MLLT10: variants seen among roughly 807,000 people sequenced by gnomAD.
MLLT10 encodes the protein protein AF-10.
MLLT10 carries 30 observed loss-of-function variants against 129.1 expected under a neutral mutation model. The ratio of observed to expected loss-of-function variants is 0.23; its 90% CI spans 0.17 to 0.32. The LOEUF (loss-of-function observed/expected upper bound fraction) is 0.32. Ranked by LOEUF, MLLT10 falls within the 10% of genes least tolerant of loss-of-function variation. MLLT10 has a pLI of 1.00. For missense variants in MLLT10, 1,119 were observed against 1,268.3 expected, an observed-to-expected ratio of 0.88 and a Z score of 1.79; for synonymous variants, 490 against 446.4, an observed-to-expected ratio of 1.10 and a Z score of -1.23.
intron 3 of MLLT10, among the ~76,000 whole-genome samples, chr10:21,570,748 T>G (rs2040114976): frequency 6.6e-6 from 1 of 152,164 alleles, no homozygotes; most frequent in Non-Finnish European, 1.5e-5. Flanking sequence ...AGCCTTCTGA[T>G]CATATGAAAT....
chr10:21,612,289 AAT>A (rs2044737013), intron 5 of MLLT10, 57 bp from the exon 6 acceptor site: 1 of 1,028,580 alleles, frequency 9.7e-7, no homozygotes, highest in Non-Finnish European at 1.4e-6. Context: ...ATAATTGTAA[AAT>A]TCTGATTCAT....
rs1324833051 is a variant in MLLT10 at position 21,673,350 on chromosome 10, G to A, written c.1052G>A (p.Gly351Asp). The change falls in exon 11 of 23, where the codon GGC becomes GAC. Residue 351 changes from glycine to aspartate, a missense_variant and splice_region_variant. This residue lies in a region of MLLT10 where 1,004 missense variants were observed against 1,008.7 expected (regional missense o/e 1.00). Coordinates refer to ENST00000307729, the MANE Select transcript of MLLT10 (RefSeq NM_001195626.3). ...TVSAASPFPQ[G>D]SFSGTPGSVK... Reference sequence around the variant, plus strand: ...TTTTTTTTTTTTTTTTAAACTACAGGCAGTTTTTCAGGAACTCCAGGCAGT... The same window carrying A: ...TTTTTTTTTTTTTTTTAAACTACAGACAGTTTTTCAGGAACTCCAGGCAGT... 1.7e-6 allele frequency: 1 copy of A among 605,008 alleles called. No individual in the cohort carries two copies. The highest frequency in any genetic ancestry group is 4.3e-5 in the South Asian group (1 of 23,018). The allele number at this position is 605,008 out of a possible 1,614,324, so 37.5% of individuals were successfully genotyped here. A position where few individuals can be genotyped will look rare whatever the true frequency, so the allele number is the denominator to read the frequency against.
At chr10:21,567,645 C>T (rs1316203254) in intron 3 of MLLT10, among the ~76,000 whole-genome samples, 2 of 152,088 alleles carry the variant, frequency 1.3e-5, no homozygotes, top group African/African-American at 2.4e-5. Context: ...TCATTACAGT[C>T]TCATGAGGGT....
intron 13 of MLLT10, among the ~76,000 whole-genome samples, chr10:21,686,824 A>T (rs558325032): frequency 6.6e-6 from 1 of 152,268 alleles, no homozygotes; most frequent in South Asian, 2.1e-4. Context: ...TCTACTAAAA[A>T]TACAAAAATT....
chr10:21,651,761 C>A lies in MLLT10; in HGVS notation c.788C>A (p.Thr263Lys). 1 of 1,606,484 alleles carries A rather than the reference C, an allele frequency of 6.2e-7. No individual in the cohort carries two copies. The highest frequency in any genetic ancestry group is 8.5e-7 in the Non-Finnish European group (1 of 1,175,098). Reference protein sequence around the residue: ...PALVPSLTVTTEKTYTSTSNN... With the variant: ...PALVPSLTVTKEKTYTSTSNN... Reference sequence around the variant, plus strand: ...TTGGTTCCATCCTTGACTGTTACTACAGAAAAAGTAAGTTTTAAGTATCAT... The same window carrying A: ...TTGGTTCCATCCTTGACTGTTACTAAAGAAAAAGTAAGTTTTAAGTATCAT... Residue 263 changes from threonine to lysine, a missense_variant, in exon 9 of 23, where the codon ACA becomes AAA. By Grantham distance (78) the Thr-to-Lys change is moderately conservative (BLOSUM62 -1). Around this residue, in one of 5 missense-constraint regions of MLLT10, gnomAD observed 1,004 missense variants for 1,008.7 expected, o/e 1.00. Coordinates refer to ENST00000307729, the MANE Select transcript of MLLT10 (RefSeq NM_001195626.3).
chr10:21,601,960 A>G (rs972591417), intron 5 of MLLT10, among the ~76,000 whole-genome samples: 6 of 152,214 alleles, frequency 3.9e-5, no homozygotes, highest in African/African-American at 1.2e-4. Context: ...AAAAACTGAT[A>G]CTTCAGGGAA....
intron 3 of MLLT10, among the ~76,000 whole-genome samples, chr10:21,580,526 C>T (rs554799008): frequency 1.3e-5 from 2 of 151,480 alleles, no homozygotes; most frequent in East Asian, 3.9e-4. Context: ...GTAGTGGGGA[C>T]TACAGGCGCC....
chr10:21,593,800 A>C (rs940972668), intron 4 of MLLT10, among the ~76,000 whole-genome samples: 1 of 151,582 alleles, frequency 6.6e-6, no homozygotes, highest in African/African-American at 2.4e-5. Context: ...GGTGGTGGGC[A>C]CCTGTAATCC....
intron 3 of MLLT10, among the ~76,000 whole-genome samples, chr10:21,550,824 G>A (rs894175618): frequency 4.0e-5 from 6 of 151,820 alleles, no homozygotes; most frequent in African/African-American, 1.5e-4. Flanking sequence ...GAGCTATGGC[G>A]TCCGGCCTTA....
Position 21,727,917 on chromosome 10 carries a change from T to G in MLLT10, c.2052T>G (p.Ser684Arg), listed in dbSNP as rs2057649634. 2.5e-6 allele frequency: 4 copies of G among 1,613,832 alleles called. No homozygotes were observed. The highest frequency in any genetic ancestry group is 1.3e-5 in the African/African-American group (1 of 74,870). The change falls in exon 16 of 23, where the codon AGT becomes AGG. Residue 684 changes from serine to arginine, a missense_variant. This residue lies in a region of MLLT10 where 1,004 missense variants were observed against 1,008.7 expected (regional missense o/e 1.00). Coordinates refer to ENST00000307729, the MANE Select transcript of MLLT10 (RefSeq NM_001195626.3). The stretch of plus-strand genomic sequence containing the variant: ...GCAGAGGAAGCTCACCCCGAGGAAG[T>G]CTCTCGCCACGGTAAGCGCTATTTA... ...LVGRGSSPRG[S>R]LSPRSPVSSL...
At chr10:21,683,607 C>T (rs188709722) in intron 13 of MLLT10, among the ~76,000 whole-genome samples, 4 of 152,268 alleles carry the variant, frequency 2.6e-5, no homozygotes, top group African/African-American at 9.6e-5. Context: ...AAGATTGACA[C>T]CTAGTGAATG....
chr10:21,697,172 A>C (rs2054458041), intron 13 of MLLT10, among the ~76,000 whole-genome samples: 1 of 151,820 alleles, frequency 6.6e-6, no homozygotes, highest in Admixed American at 6.6e-5. Flanking sequence ...TAGGGAATTA[A>C]AAGACAGAAA....
chr10:21,678,074 A>G (rs1767788146), intron 11 of MLLT10, among the ~76,000 whole-genome samples: 1 of 152,104 alleles, frequency 6.6e-6, no homozygotes, highest in South Asian at 2.1e-4. Context: ...AAGCTGTAAG[A>G]CATATTACTT....
At chr10:21,739,049 C>T (rs1452738199) in intron 21 of MLLT10, among the ~76,000 whole-genome samples, 2 of 152,200 alleles carry the variant, frequency 1.3e-5, no homozygotes, top group African/African-American at 4.8e-5. Flanking sequence ...TGCACAACCC[C>T]GCCCCACCCA....
intron 3 of MLLT10, among the ~76,000 whole-genome samples, chr10:21,548,806 C>CT (rs2036512948): frequency 1.3e-5 from 2 of 151,868 alleles, no homozygotes; most frequent in Non-Finnish European, 2.9e-5. Flanking sequence ...CAATTTGTCT[C>CT]TTTTTTCAGG....
intron 14 of MLLT10, among the ~76,000 whole-genome samples, chr10:21,718,613 T>C (rs2056915897): frequency 6.6e-6 from 1 of 152,266 alleles, no homozygotes; most frequent in Non-Finnish European, 1.5e-5. Context: ...CTATCCCATG[T>C]TACTGTTAAA....
intron 2 of MLLT10, among the ~76,000 whole-genome samples, chr10:21,538,202 T>C (rs886634234): frequency 1.3e-5 from 2 of 151,580 alleles, no homozygotes; most frequent in Non-Finnish European, 2.9e-5. Context: ...TTCACTCTTA[T>C]TGCCCAGGCT....
chr10:21,643,030 G>A (rs1355493624), intron 8 of MLLT10, among the ~76,000 whole-genome samples: 1 of 151,784 alleles, frequency 6.6e-6, no homozygotes, highest in Non-Finnish European at 1.5e-5. Flanking sequence ...TTATTTTTAT[G>A]TATTTATTTT....
chr10:21,685,323 G>C (rs1191538042), intron 13 of MLLT10, among the ~76,000 whole-genome samples: 1 of 152,024 alleles, frequency 6.6e-6, no homozygotes, highest in East Asian at 1.9e-4. Flanking sequence ...CAAGTGAAAT[G>C]ACCAAGGAAA....
Sources: allele counts gnomAD v4.1 joint callset (sites outside exome capture counted in the v4.1 genomes callset), GRCh38; gene constraint gnomAD v4.1.1; regional missense constraint gnomAD v4.1.1; transcripts MANE v1.5; gene names NCBI Gene and HGNC (gene_info 2026-07-23, HGNC 2026-07-21).